GPC6: variants seen among roughly 807,000 people sequenced by gnomAD.
GPC6 encodes the protein glypican-6.
A neutral mutation model predicts 55.2 loss-of-function variants in GPC6; 14 were observed. The observed-to-expected ratio is 0.25, with a 90% confidence interval of 0.17 to 0.40. The LOEUF is 0.40. Ranked by LOEUF, GPC6 falls within the 10% of genes least tolerant of loss-of-function variation. The pLI, the probability that GPC6 is intolerant of heterozygous loss-of-function variation, is 1.00. For missense variants in GPC6, 641 were observed against 708.5 expected, an observed-to-expected ratio of 0.90 and a Z score of 1.08; for synonymous variants, 278 against 259.6, an observed-to-expected ratio of 1.07 and a Z score of -0.68.
chr13:93,577,353 A>G (rs1876714993), intron 2 of GPC6, among the ~76,000 whole-genome samples: 1 of 152,144 alleles, frequency 6.6e-6, no homozygotes, highest in Non-Finnish European at 1.5e-5. Flanking sequence ...CTCACTTTTG[A>G]AAATTTTACA....
chr13:94,015,964 T>C (rs1283057524), intron 3 of GPC6, among the ~76,000 whole-genome samples: 1 of 152,214 alleles, frequency 6.6e-6, no homozygotes, highest in East Asian at 1.9e-4. Context: ...TATCTACACA[T>C]TGTCATACAG....
chr13:93,345,338 G>A (rs763587408), intron 1 of GPC6, among the ~76,000 whole-genome samples: 2 of 151,992 alleles, frequency 1.3e-5, no homozygotes, highest in Non-Finnish European at 2.9e-5. Flanking sequence ...CAAGTACCTG[G>A]CATGTATACT....
chr13:94,156,635 C>G (rs756014146), intron 4 of GPC6, among the ~76,000 whole-genome samples: 3 of 152,130 alleles, frequency 2.0e-5, no homozygotes, highest in Non-Finnish European at 4.4e-5. Flanking sequence ...TGAGGCTGCT[C>G]AAATCATATT....
At position 94,014,193 on chromosome 13, in the gene GPC6, C is replaced by T. The variant is rs181345508; in HGVS notation, c.712-13536C>T. 7.2e-5 allele frequency among the ~76,000 whole-genome samples: 11 copies of T among 152,196 alleles called. No individual in the cohort carries two copies. In the East Asian group the frequency reaches 1.4e-3, roughly 19 times the overall value. ...AGTATTCAAATGGAATTAGAAGGCC[C>T]CAAGGTTTTCTGTGTGTATGCATGG... On this transcript the variant is annotated intron_variant, in intron 3 of 8. Coordinates refer to ENST00000377047, the MANE Select transcript of GPC6 (RefSeq NM_005708.5).
Position 93,292,126 on chromosome 13 carries a change from A to T in GPC6, c.160+64510A>T, listed in dbSNP as rs16948605. 4.6e-3 allele frequency among the ~76,000 whole-genome samples: 694 copies of T among 152,300 alleles called. 7 individuals are homozygous for T. The highest frequency in any genetic ancestry group is 0.016 in the African/African-American group (660 of 41,574). ...AAGGCAAATTCATCATTGATAAGCC[A>T]TTTTGTAGCAAACTTGCCAGTGGTT... is the stretch of plus-strand genomic sequence containing the variant. On this transcript the variant is annotated intron_variant, in intron 1 of 8. Coordinates refer to ENST00000377047, the MANE Select transcript of GPC6 (RefSeq NM_005708.5).
At chr13:93,877,369 T>C (rs1277701564) in intron 3 of GPC6, among the ~76,000 whole-genome samples, 1 of 152,068 alleles carries the variant, frequency 6.6e-6, no homozygotes, top group Non-Finnish European at 1.5e-5. Flanking sequence ...GGAGGCATTA[T>C]TTATAAACCC....
intron 3 of GPC6, among the ~76,000 whole-genome samples, chr13:93,939,396 C>A (rs898998047): frequency 6.7e-6 from 1 of 149,500 alleles, no homozygotes; most frequent in African/African-American, 2.5e-5. Flanking sequence ...CCAGCCTGGG[C>A]GACAGAGCAA....
At chr13:93,434,024 G>C (rs1044936996) in intron 1 of GPC6, among the ~76,000 whole-genome samples, 1 of 152,152 alleles carries the variant, frequency 6.6e-6, no homozygotes, top group Non-Finnish European at 1.5e-5. Context: ...AGGATAATAT[G>C]TACTATATGA....
chr13:94,201,377 GC>G (rs1165864831), intron 4 of GPC6, among the ~76,000 whole-genome samples: 4 of 152,114 alleles, frequency 2.6e-5, no homozygotes, highest in Non-Finnish European at 5.9e-5. Context: ...AGACAACTCT[GC>G]CTGGAACCGT....
intron 3 of GPC6, among the ~76,000 whole-genome samples, chr13:93,871,438 C>A (rs1889129899): frequency 1.3e-5 from 2 of 151,974 alleles, no homozygotes; most frequent in Non-Finnish European, 2.9e-5. Flanking sequence ...GTAATGACTT[C>A]ATAGAGGATA....
At chr13:93,471,616 C>G (rs1337459204) in intron 1 of GPC6, among the ~76,000 whole-genome samples, 4 of 152,106 alleles carry the variant, frequency 2.6e-5, no homozygotes, top group African/African-American at 4.8e-5. Flanking sequence ...TATAATTTCT[C>G]TTGAAATTTT....
chr13:94,026,798 TGAG>T (rs1882915588), intron 3 of GPC6, among the ~76,000 whole-genome samples: 1 of 151,972 alleles, frequency 6.6e-6, no homozygotes, highest in Admixed American at 6.6e-5. Context: ...ATGGTGGCAG[TGAG>T]GAGAAGTGCC....
intron 1 of GPC6, among the ~76,000 whole-genome samples, chr13:93,332,650 A>G (rs930806868): frequency 6.6e-6 from 1 of 152,046 alleles, no homozygotes; most frequent in Non-Finnish European, 1.5e-5. Context: ...ATTTTCTCCC[A>G]TTCTGTAGGT....
rs187127409 is a variant in GPC6 at position 93,545,870 on chromosome 13, C to T, written c.319+449C>T. On this transcript the variant is annotated intron_variant, in intron 2 of 8. Coordinates refer to ENST00000377047, the MANE Select transcript of GPC6 (RefSeq NM_005708.5). The stretch of plus-strand genomic sequence containing the variant: ...ACAGATTCCTTTATTTTAGACTTTG[C>T]CATTGCAATCATATAGCACATTTTA... Among the ~76,000 whole-genome samples the T allele has an allele frequency of 3.5e-3, 538 of 152,252 alleles. 2 individuals carry two copies. The highest frequency in any genetic ancestry group is 0.013 in the African/African-American group (524 of 41,546).
At chr13:93,715,525 A>G (rs1324135475) in intron 2 of GPC6, among the ~76,000 whole-genome samples, 1 of 151,572 alleles carries the variant, frequency 6.6e-6, no homozygotes, top group Non-Finnish European at 1.5e-5. Flanking sequence ...CACTATTCTC[A>G]GTACCTGGGT....
At chr13:93,915,830 C>G (rs1877259576) in intron 3 of GPC6, among the ~76,000 whole-genome samples, 1 of 152,184 alleles carries the variant, frequency 6.6e-6, no homozygotes, top group East Asian at 1.9e-4. Flanking sequence ...AGCCATGCCT[C>G]TCTCCTTTTC....
At chr13:94,247,495 G>A (rs1018059851) in intron 4 of GPC6, among the ~76,000 whole-genome samples, 2 of 152,138 alleles carry the variant, frequency 1.3e-5, no homozygotes, top group Non-Finnish European at 2.9e-5. Context: ...TTGCATAAAT[G>A]GGTCTTTATA....
intron 4 of GPC6, among the ~76,000 whole-genome samples, chr13:94,234,885 C>A (rs1890832935): frequency 6.6e-6 from 1 of 152,026 alleles, no homozygotes; most frequent in Non-Finnish European, 1.5e-5. Context: ...CTGCATAATT[C>A]CACTTATATG....
intron 2 of GPC6, among the ~76,000 whole-genome samples, chr13:93,633,774 T>G (rs571242181): frequency 1.6e-4 from 24 of 152,260 alleles, no homozygotes; most frequent in African/African-American, 4.8e-4. Flanking sequence ...AAAGTCGGAT[T>G]ATGATTTCCA....
Sources: gnomAD v4.1 joint callset for allele counts (sites outside exome capture counted in the v4.1 genomes callset) on GRCh38, gnomAD v4.1.1 for gene constraint, MANE v1.5 for transcripts, NCBI Gene and HGNC (gene_info 2026-07-23, HGNC 2026-07-21) for gene names.